CCDC171: variants seen among roughly 807,000 people sequenced by gnomAD.
CCDC171 encodes coiled-coil domain-containing protein 171.
Under a neutral mutation model 168.2 loss-of-function variants are expected in CCDC171, and 177 were observed. The observed-to-expected ratio is 1.05, with a 90% CI of 0.93 to 1.19. The LOEUF is 1.19. Ranked by LOEUF, CCDC171 falls within the 50% of genes most tolerant of loss-of-function variation. The pLI, the probability that CCDC171 is intolerant of heterozygous loss-of-function variation, is 0.00. For synonymous variants in CCDC171, 687 were observed against 540.8 expected (o/e 1.27, Z -3.75); for missense variants, 1,991 against 1,539.0 (o/e 1.29, Z -4.91).
chr9:15,568,816 A>T (rs1308193169), intron 2 of CCDC171, among the ~76,000 whole-genome samples: 8 of 152,202 alleles, frequency 5.3e-5, no homozygotes, highest in African/African-American at 1.9e-4. Context: ...TGTCAGATGT[A>T]TAATTTGCAA....
chr9:15,826,707 G>C (rs1332346178), intron 21 of CCDC171, among the ~76,000 whole-genome samples: 2 of 152,156 alleles, frequency 1.3e-5, no homozygotes, highest in East Asian at 3.9e-4. Flanking sequence ...AGACCTGTGT[G>C]AATGAGCCTT....
rs572796690 is a variant in CCDC171 at position 15,892,465 on chromosome 9, G to GT, written c.3600+17810dup. 5.1e-4 allele frequency among the ~76,000 whole-genome samples: 78 copies of GT among 152,162 alleles called. No homozygotes were observed. The East Asian group carries it at 0.013, about 26-fold the overall frequency. Reference sequence around the variant, plus strand: ...TCTGCATCTATTGAGATAATCATGTGTTTTTTTTCTTTAGTTGTTTAGTTT... The same window carrying GT: ...TCTGCATCTATTGAGATAATCATGTGTTTTTTTTTCTTTAGTTGTTTAGTTT... On this transcript the variant is annotated intron_variant, in intron 24 of 25. Transcript: ENST00000380701.
chr9:15,921,760 G>A (rs1226623207), intron 25 of CCDC171, among the ~76,000 whole-genome samples: 1 of 151,544 alleles, frequency 6.6e-6, no homozygotes, highest in East Asian at 1.9e-4. Flanking sequence ...AAATTAAAAT[G>A]AAGAGGAAAC....
At chr9:15,727,803 A>G (rs1564294926) in intron 14 of CCDC171, 66 bp from the exon 15 acceptor site, 2 of 1,236,448 alleles carry the variant, frequency 1.6e-6, no homozygotes, top group Non-Finnish European at 2.2e-6. Context: ...CACCATTAGT[A>G]TTATGTATTT....
chr9:15,809,986 AT>A (rs1367854174), intron 21 of CCDC171, among the ~76,000 whole-genome samples: 1 of 152,190 alleles, frequency 6.6e-6, no homozygotes, highest in Non-Finnish European at 1.5e-5. Flanking sequence ...CGATTGGTGC[AT>A]TTACAAACCT....
chr9:16,106,908 C>A, the CCDC171 span, among the ~76,000 whole-genome samples: 2 of 152,280 alleles, frequency 1.3e-5, no homozygotes, highest in South Asian at 4.1e-4. Context: ...ACCATCTACC[C>A]TGGAGCCACC....
chr9:15,695,268 T>G lies in CCDC171; in HGVS notation c.1249T>G (p.Cys417Gly). 1 of 1,614,088 alleles carries G rather than the reference T, an allele frequency of 6.2e-7. No individual in the cohort carries two copies. Among genetic ancestry groups the G allele is most frequent in the South Asian group, 1.1e-5 (1 of 91,072 alleles). The part of the protein sequence containing the change: ...KKHQAFLVET[C>G]ENNVKELESI... ...GCACCAGGCCTTCCTAGTAGAGACA[T>G]GTGAAAATAACGTGAAAGAATTGGA... The change falls in exon 11 of 26, where the codon TGT (cysteine) becomes GGT (glycine). Residue 417 changes from cysteine (C) to glycine (G), a missense_variant. Cys to Gly is a radical substitution (Grantham distance 159). Transcript: ENST00000380701.
chr9:16,082,677 G>T, the CCDC171 span, among the ~76,000 whole-genome samples: 2 of 152,172 alleles, frequency 1.3e-5, no homozygotes, highest in African/African-American at 2.4e-5. Flanking sequence ...CTAAGTACAC[G>T]CATGCGTGAG....
At chr9:15,910,331 C>G (rs1204283172) in intron 24 of CCDC171, among the ~76,000 whole-genome samples, 1 of 152,040 alleles carries the variant, frequency 6.6e-6, no homozygotes, top group Non-Finnish European at 1.5e-5. Flanking sequence ...GGTATAATTT[C>G]CCCAGTGTAT....
In CCDC171 at chr9:15,821,073, C is replaced by G. The variant is rs1266442260; in HGVS notation, c.3268-25629C>G. 5.1e-5 allele frequency among the ~76,000 whole-genome samples: 6 copies of G among 117,120 alleles called. 2 individuals carry two copies. The East Asian group carries it at 6.4e-4, about 13-fold the overall frequency. The allele number at this position is 117,120 out of a possible 152,430, so 76.8% of individuals were successfully genotyped here. On this transcript the variant is annotated intron_variant, in intron 21 of 25. Transcript: ENST00000380701. ...ACATAATCCAGCATATAAACAGACC[C>G]AAAGACAAAAATCACATGATTATCT...
intron 25 of CCDC171, among the ~76,000 whole-genome samples, chr9:15,932,883 G>T (rs1289984086): frequency 6.6e-6 from 1 of 151,820 alleles, no homozygotes; most frequent in African/African-American, 2.4e-5. Context: ...TGTTAATGTG[G>T]TATATCACAG....
chr9:15,991,751 C>T (rs1409845264), intron 3 of CCDC171, among the ~76,000 whole-genome samples: 1 of 152,074 alleles, frequency 6.6e-6, no homozygotes, highest in Non-Finnish European at 1.5e-5. Context: ...GGGGATATCA[C>T]CACCAACCCC....
intron 1 of CCDC171, chr9:15,553,593 G>C (rs10810397): frequency 0.53 from 81,179 of 152,120 alleles, 22,047 homozygotes; most frequent in East Asian, 0.83. Flanking sequence ...GAGCGCTTTC[G>C]TTCCCGAGAA....
At chr9:15,878,738 C>A (rs1818198551) in intron 24 of CCDC171, among the ~76,000 whole-genome samples, 1 of 152,170 alleles carries the variant, frequency 6.6e-6, no homozygotes, top group South Asian at 2.1e-4. Context: ...AAATGTCCAT[C>A]CATGGTAGAA....
intron 23 of CCDC171, among the ~76,000 whole-genome samples, chr9:15,861,442 C>T (rs1373592932): frequency 6.6e-6 from 1 of 151,688 alleles, no homozygotes; most frequent in Non-Finnish European, 1.5e-5. Context: ...GTTCATTTTT[C>T]TCCCTTGCTC....
Position 15,721,882 on chromosome 9 carries a change from C to T in CCDC171, c.1425+7C>T, listed in dbSNP as rs1162192664. 6.8e-7 allele frequency: 1 copy of T among 1,469,438 alleles called. No homozygotes were observed. The highest frequency in any genetic ancestry group is 1.4e-5 in the African/African-American group (1 of 69,968). The allele number at this position is 1,469,438 out of a possible 1,614,324, so 91.0% of individuals were successfully genotyped here. On this transcript the variant is annotated splice_region_variant and intron_variant, in intron 12 of 25. Coordinates refer to ENST00000380701, the MANE Select transcript of CCDC171 (RefSeq NM_173550.4). The stretch of plus-strand genomic sequence containing the variant: ...GGAAGATGCATCTAATGAGGTAACA[C>T]TTGCACTGTTTGGCTCCACACATAT...
At chr9:15,668,991 G>C (rs773167004) in intron 9 of CCDC171, among the ~76,000 whole-genome samples, 7 of 152,098 alleles carry the variant, frequency 4.6e-5, no homozygotes, top group Non-Finnish European at 7.4e-5. Flanking sequence ...TTTTGGAGCA[G>C]TATATTGTTT....
chr9:15,581,547 T>C (rs276445), intron 4 of CCDC171, among the ~76,000 whole-genome samples: 8,265 of 152,138 alleles, frequency 0.054, 261 homozygotes, highest in African/African-American at 0.088. Context: ...AAGAATACAG[T>C]AACCAAAACA....
At chr9:15,932,927 TC>T in intron 25 of CCDC171, among the ~76,000 whole-genome samples, 2 of 152,114 alleles carry the variant, frequency 1.3e-5, no homozygotes, top group East Asian at 3.9e-4. Context: ...CATCCTTGCA[TC>T]CCCATGATGA....
Sources: gnomAD v4.1 joint callset for allele counts (sites outside exome capture counted in the v4.1 genomes callset) on GRCh38, gnomAD v4.1.1 for gene constraint, MANE v1.5 for transcripts, NCBI Gene and HGNC (gene_info 2026-07-23, HGNC 2026-07-21) for gene names.